The following BEAN1 variants were observed in gnomAD, a reference collection of about 807,000 sequenced individuals.
BEAN1 encodes brain expressed associated with NEDD4 1.
Under a neutral mutation model 17.7 loss-of-function variants are expected in BEAN1, and 17 were observed. The ratio of observed to expected loss-of-function variants is 0.96; its 90% CI spans 0.66 to 1.44. BEAN1 has a LOEUF of 1.44. Among genes scored for constraint, BEAN1 ranks in the 40% most tolerant of loss-of-function variants. BEAN1 has a pLI of 0.00. For synonymous variants in BEAN1, 142 were observed against 151.8 expected (o/e 0.94, Z 0.47); for missense variants, 359 against 374.1 (o/e 0.96, Z 0.33).
In BEAN1 at chr16:66,489,780, G is replaced by C. The variant is rs553228689; in HGVS notation, c.148-3182G>C. On this transcript the variant is annotated intron_variant, in intron 4 of 4. Transcript: ENST00000561796. ...GGAAGTTTTATAGGATCATGCTGGA[G>C]GGGGCTACATACAGAAAGGGGTTGT... Among the ~76,000 whole-genome samples, 22 of 151,948 alleles carry C rather than the reference G, an allele frequency of 1.4e-4. No individual in the cohort carries two copies. In the East Asian group the frequency reaches 4.3e-3, roughly 29 times the overall value.
At chr16:66,478,162 G>C (rs948447411) in intron 4 of BEAN1, 1 of 154,440 alleles carries the variant, frequency 6.5e-6, no homozygotes, top group African/African-American at 2.4e-5. Flanking sequence ...TAACACCAGG[G>C]ACTGGGGGGT....
At chr16:66,480,366 T>C (rs750612505) in intron 4 of BEAN1, among the ~76,000 whole-genome samples, 32 of 152,076 alleles carry the variant, frequency 2.1e-4, no homozygotes, top group Non-Finnish European at 4.6e-4. Context: ...TCACACCGCA[T>C]ATGAGGGCTG....
Position 66,482,563 on chromosome 16 carries a change from A to C in BEAN1, c.*1638A>C. 3.3e-6 allele frequency: 1 copy of C among 300,472 alleles called. No homozygotes were observed. Among genetic ancestry groups the C allele is most frequent in the South Asian group, 2.7e-5 (1 of 37,062 alleles). The allele number at this position is 300,472 out of a possible 1,614,324, so 18.6% of individuals were successfully genotyped here. On this transcript the variant is annotated 3_prime_UTR_variant, in exon 5 of 5. Transcript: ENST00000536005. ...CTTAGTGGTGTACTGTTTTCTAGGC[A>C]AAAAATATCTGTCTGTTGTACTGTA...
downstream of BEAN1, chr16:66,483,012 A>G: frequency 2.5e-6 from 1 of 399,672 alleles, no homozygotes. Flanking sequence ...ATGCACCACC[A>G]TACCCAGCTA....
At chr16:66,456,741 A>G (rs1962882490) in intron 2 of BEAN1, among the ~76,000 whole-genome samples, 1 of 152,252 alleles carries the variant, frequency 6.6e-6, no homozygotes, top group African/African-American at 2.4e-5. Context: ...CAGCCAATAA[A>G]TAAGTTCTTC....
downstream of BEAN1, chr16:66,484,936 A>C (rs1487583004): frequency 2.2e-6 from 1 of 454,000 alleles, no homozygotes; most frequent in African/African-American, 2.0e-5. This position sits in a 1 kb window ranked among gnomAD's most constrained non-coding sequence, Gnocchi z 4.2. Context: ...GCCAGAAAAA[A>C]GTCTTCAGGG....
At chr16:66,495,047 T>C (rs1447724207), downstream of BEAN1, among the ~76,000 whole-genome samples, 2 of 152,170 alleles carry the variant, frequency 1.3e-5, no homozygotes, top group Admixed American at 1.3e-4. Context: ...TAATAATTGT[T>C]GGTACCTGCC....
At chr16:66,488,937 C>A (rs1322869935) in intron 4 of BEAN1, among the ~76,000 whole-genome samples, 1 of 151,586 alleles carries the variant, frequency 6.6e-6, no homozygotes, top group Non-Finnish European at 1.5e-5. Context: ...TTTGAGAGGC[C>A]GAGGCAGGTG....
At chr16:66,433,298 A>G (rs1961876553) in intron 1 of BEAN1, among the ~76,000 whole-genome samples, 1 of 152,036 alleles carries the variant, frequency 6.6e-6, no homozygotes, top group African/African-American at 2.4e-5. Context: ...TTTAGTAGAG[A>G]TAGGATTTCA....
downstream of BEAN1, chr16:66,485,182 T>C (rs1284711928): frequency 2.3e-6 from 1 of 441,206 alleles, no homozygotes; most frequent in Non-Finnish European, 4.6e-6. Flanking sequence ...CACATGCACA[T>C]ACACACACTG....
intron 2 of BEAN1, 46 bp downstream of exon 2, chr16:66,437,747 G>T: frequency 6.6e-7 from 1 of 1,514,064 alleles, no homozygotes; most frequent in Non-Finnish European, 8.9e-7. Context: ...GCCAGGCAAG[G>T]GCAGAGCTTG....
chr16:66,473,653 C>T lies in BEAN1; in HGVS notation c.289+3788C>T, dbSNP rs1222762340. On this transcript the variant is annotated intron_variant, in intron 3 of 4. Coordinates refer to ENST00000536005, the MANE Select transcript of BEAN1 (RefSeq NM_001178020.3). This position sits in a 1 kb window ranked among gnomAD's most constrained non-coding sequence, Gnocchi z 4.5. ...TTCAGGCTGCAGTGAGCTACGATCA[C>T]ACCATTGCACTCCAGCCTGAGCAAC... 6.6e-6 allele frequency among the ~76,000 whole-genome samples: 1 copy of T among 151,972 alleles called. No homozygotes were observed. Among genetic ancestry groups the T allele is most frequent in the Non-Finnish European group, 1.5e-5 (1 of 67,984 alleles).
intron 2 of BEAN1, among the ~76,000 whole-genome samples, chr16:66,457,173 A>G (rs1962900004): frequency 6.6e-6 from 1 of 152,166 alleles, no homozygotes; most frequent in African/African-American, 2.4e-5. Flanking sequence ...CCAGGCATGA[A>G]TTAAGTGTTT....
intron 2 of BEAN1, among the ~76,000 whole-genome samples, chr16:66,441,789 G>A (rs991842949): frequency 6.6e-6 from 1 of 152,128 alleles, no homozygotes; most frequent in African/African-American, 2.4e-5. Flanking sequence ...GCAGGCCCTG[G>A]GGGAGCAGGC....
At chr16:66,455,185 C>A (rs2142405736) in intron 2 of BEAN1, among the ~76,000 whole-genome samples, 1 of 152,308 alleles carries the variant, frequency 6.6e-6, no homozygotes, top group East Asian at 1.9e-4. Context: ...ATTAAATACC[C>A]TGGTCAGTGT....
At chr16:66,460,086 A>T (rs1014406339) in intron 2 of BEAN1, among the ~76,000 whole-genome samples, 2 of 152,200 alleles carry the variant, frequency 1.3e-5, no homozygotes, top group African/African-American at 4.8e-5. Flanking sequence ...TCCTCTCTGC[A>T]CTGGCCCTGC....
At chr16:66,431,668 T>TTG (rs891979134) in intron 1 of BEAN1, among the ~76,000 whole-genome samples, 7 of 151,924 alleles carry the variant, frequency 4.6e-5, no homozygotes, top group African/African-American at 1.7e-4. Context: ...CTACAAACTA[T>TTG]TGTGTGTGTG....
At chr16:66,486,089 G>T (rs1314022317), downstream of BEAN1, 1 of 151,978 alleles carries the variant, frequency 6.6e-6, no homozygotes, top group East Asian at 2.0e-4. Flanking sequence ...AGTCTACTTT[G>T]GTTGGTTCAT....
At chr16:66,454,875 G>A (rs936343219) in intron 2 of BEAN1, among the ~76,000 whole-genome samples, 7 of 152,038 alleles carry the variant, frequency 4.6e-5, no homozygotes, top group African/African-American at 1.4e-4. Flanking sequence ...TAGCAGGGAA[G>A]CTGCTGGTTT....
Sources: allele counts gnomAD v4.1 joint callset (sites outside exome capture counted in the v4.1 genomes callset), GRCh38; gene constraint gnomAD v4.1.1; non-coding constraint Gnocchi (gnomAD v3.1); transcripts MANE v1.5; gene names NCBI Gene and HGNC (gene_info 2026-07-23, HGNC 2026-07-21).